The following SPATA6 variants were observed in gnomAD, a reference collection of about 807,000 sequenced individuals.
SPATA6 encodes spermatogenesis-associated protein 6.
Under a neutral mutation model 65.3 loss-of-function variants are expected in SPATA6, and 56 were observed. The observed-to-expected ratio is 0.86, with a 90% CI of 0.69 to 1.07. The LOEUF is 1.07. SPATA6 is among the 50% of genes least tolerant of loss of function. SPATA6 has a pLI of 0.00. For synonymous variants in SPATA6, 199 were observed against 213.2 expected (o/e 0.93, Z 0.58); for missense variants, 590 against 594.8 (o/e 0.99, Z 0.08).
intron 11 of SPATA6, among the ~76,000 whole-genome samples, chr1:48,319,851 A>T (rs1645549855): frequency 6.6e-6 from 1 of 152,144 alleles, no homozygotes; most frequent in Non-Finnish European, 1.5e-5. Flanking sequence ...CACCCAACCA[A>T]GGAGGAAGGC....
At chr1:48,395,859 A>T (rs1204444330) in intron 7 of SPATA6, among the ~76,000 whole-genome samples, 4 of 151,338 alleles carry the variant, frequency 2.6e-5, no homozygotes, top group African/African-American at 7.3e-5. Context: ...ACAAATGTAT[A>T]AAAAAAATTC....
At chr1:48,336,566 G>A (rs1209949162) in intron 11 of SPATA6, among the ~76,000 whole-genome samples, 1 of 151,898 alleles carries the variant, frequency 6.6e-6, no homozygotes, top group East Asian at 1.9e-4. Context: ...ACCTATAAGT[G>A]AGAGCTAAAT....
intron 1 of SPATA6, among the ~76,000 whole-genome samples, chr1:48,462,123 T>C (rs981649601): frequency 6.6e-6 from 1 of 151,230 alleles, no homozygotes; most frequent in African/African-American, 2.4e-5. Context: ...ATGTTCTCAC[T>C]CATAGATGGG....
At chr1:48,429,300 C>G (rs767124130) in intron 3 of SPATA6, among the ~76,000 whole-genome samples, 2 of 152,036 alleles carry the variant, frequency 1.3e-5, no homozygotes, top group Non-Finnish European at 1.5e-5. Context: ...TTTTCTTTTT[C>G]CCTTTTTGGG....
intron 11 of SPATA6, among the ~76,000 whole-genome samples, chr1:48,313,048 A>C (rs1227127152): frequency 6.6e-6 from 1 of 152,234 alleles, no homozygotes; most frequent in Non-Finnish European, 1.5e-5. Context: ...ACTATGTGAA[A>C]AGACCAAATC....
At chr1:48,363,170 G>C (rs17104364) in intron 9 of SPATA6, among the ~76,000 whole-genome samples, 11,706 of 152,114 alleles carry the variant, frequency 0.077, 609 homozygotes, top group East Asian at 0.23. Flanking sequence ...TCAAAATAAG[G>C]GGTTACGAGG....
At chr1:48,357,640 A>C (rs1646696218) in intron 10 of SPATA6, among the ~76,000 whole-genome samples, 1 of 152,162 alleles carries the variant, frequency 6.6e-6, no homozygotes, top group Non-Finnish European at 1.5e-5. Flanking sequence ...ATTTCAATAG[A>C]TTGTATAAAC....
intron 9 of SPATA6, among the ~76,000 whole-genome samples, chr1:48,372,751 T>C (rs1647430632): frequency 6.6e-6 from 1 of 152,192 alleles, no homozygotes; most frequent in Admixed American, 6.5e-5. Flanking sequence ...TAGGCAGAGG[T>C]TCCCAAACCT....
intron 3 of SPATA6, among the ~76,000 whole-genome samples, chr1:48,448,236 G>A (rs1228776780): frequency 6.7e-6 from 1 of 149,922 alleles, no homozygotes; most frequent in African/African-American, 2.5e-5. Context: ...ACTCCAGCCT[G>A]GGTGACAGAG....
chr1:48,335,745 T>C (rs527469300), intron 11 of SPATA6, among the ~76,000 whole-genome samples: 1 of 152,042 alleles, frequency 6.6e-6, no homozygotes, highest in South Asian at 2.1e-4. Context: ...TGACAGAAAA[T>C]GTCCAAAGCA....
chr1:48,349,845 C>T (rs1410120443), intron 11 of SPATA6, among the ~76,000 whole-genome samples: 1 of 151,778 alleles, frequency 6.6e-6, no homozygotes, highest in Non-Finnish European at 1.5e-5. Flanking sequence ...ACAGACATGC[C>T]ATAGTTTGTT....
At chr1:48,281,916 C>A in the SPATA6 span, among the ~76,000 whole-genome samples, 32 of 152,208 alleles carry the variant, frequency 2.1e-4, no homozygotes, top group African/African-American at 7.5e-4. Flanking sequence ...AGGCATCACA[C>A]TACCTGACTT....
intron 11 of SPATA6, among the ~76,000 whole-genome samples, chr1:48,315,709 G>C (rs1013038592): frequency 6.6e-6 from 1 of 152,168 alleles, no homozygotes; most frequent in East Asian, 1.9e-4. Flanking sequence ...GCAGGAGAAG[G>C]AAATAAAGGG....
intron 9 of SPATA6, among the ~76,000 whole-genome samples, chr1:48,366,934 G>T (rs1647038220): frequency 6.6e-6 from 1 of 152,106 alleles, no homozygotes; most frequent in Non-Finnish European, 1.5e-5. Context: ...TGGGCATTCA[G>T]TGCTATAAAT....
intron 3 of SPATA6, among the ~76,000 whole-genome samples, chr1:48,418,890 GAAGA>G (rs1653061119): frequency 6.6e-6 from 1 of 150,524 alleles, no homozygotes; most frequent in South Asian, 2.1e-4. Flanking sequence ...AAAGGAGAGA[GAAGA>G]AAGGGAAGGA....
chr1:48,392,925 A>C (rs1650217539), intron 8 of SPATA6, among the ~76,000 whole-genome samples: 1 of 151,978 alleles, frequency 6.6e-6, no homozygotes, highest in Non-Finnish European at 1.5e-5. Flanking sequence ...AATATAGTAA[A>C]AAAAAAAAGT....
intron 3 of SPATA6, among the ~76,000 whole-genome samples, chr1:48,426,809 A>G (rs145310740): frequency 1.8e-3 from 267 of 152,284 alleles, no homozygotes; most frequent in African/African-American, 6.2e-3. Flanking sequence ...TAATCTATTG[A>G]AAAATTAAGG....
intron 1 of SPATA6, among the ~76,000 whole-genome samples, chr1:48,464,835 G>T (rs74626736): frequency 1.3e-5 from 2 of 151,978 alleles, no homozygotes; most frequent in Admixed American, 1.3e-4. Context: ...TCTAATTATT[G>T]GTGATTATAC....
At chr1:48,400,130 A>G (rs566404248) in intron 6 of SPATA6, among the ~76,000 whole-genome samples, 1 of 151,872 alleles carries the variant, frequency 6.6e-6, no homozygotes, top group Non-Finnish European at 1.5e-5. Context: ...AATTATATAT[A>G]TATCTGTACA....
Sources: gnomAD v4.1 joint callset for allele counts (sites outside exome capture counted in the v4.1 genomes callset) on GRCh38, gnomAD v4.1.1 for gene constraint, MANE v1.5 for transcripts, NCBI Gene and HGNC (gene_info 2026-07-23, HGNC 2026-07-21) for gene names.